The following NKAIN3 variants were observed in gnomAD, a reference collection of about 807,000 sequenced individuals.
NKAIN3 encodes the protein sodium/potassium-transporting ATPase subunit beta-1-interacting protein 3.
A neutral mutation model predicts 30.2 loss-of-function variants in NKAIN3; 25 were observed. That is an observed-to-expected ratio of 0.83 (90% CI 0.60 to 1.16). The LOEUF (loss-of-function observed/expected upper bound fraction) is 1.16, where lower values mean the gene tolerates loss of function less well. Ranked by LOEUF, NKAIN3 falls within the 50% of genes most tolerant of loss-of-function variation. NKAIN3 has a pLI of 0.00. For synonymous variants in NKAIN3, 91 were observed against 89.6 expected (o/e 1.02, Z -0.09); for missense variants, 225 against 254.1 (o/e 0.89, Z 0.78).
chr8:62,278,541 A>C (rs1036996518), intron 1 of NKAIN3, among the ~76,000 whole-genome samples: 5 of 151,646 alleles, frequency 3.3e-5, no homozygotes, highest in African/African-American at 7.3e-5. Flanking sequence ...CCCCGACCCC[A>C]TGACAGGCCC....
chr8:62,342,675 A>C (rs943595484), intron 1 of NKAIN3, among the ~76,000 whole-genome samples: 2 of 151,996 alleles, frequency 1.3e-5, no homozygotes, highest in East Asian at 3.9e-4. Flanking sequence ...TCTTTTATTG[A>C]AGTGCTGACT....
At chr8:62,675,989 TGAA>T (rs143165836) in intron 3 of NKAIN3, among the ~76,000 whole-genome samples, 1,811 of 152,324 alleles carry the variant, frequency 0.012, 28 homozygotes, top group African/African-American at 0.041. Flanking sequence ...AATTATTCTC[TGAA>T]GAAGATTATA....
At chr8:62,870,764 T>G (rs1820616950) in intron 4 of NKAIN3, among the ~76,000 whole-genome samples, 1 of 147,290 alleles carries the variant, frequency 6.8e-6, no homozygotes, top group African/African-American at 2.5e-5. Context: ...GATATATAGA[T>G]ATATATAGAG....
chr8:62,961,198 T>C (rs1340488376), intron 6 of NKAIN3, among the ~76,000 whole-genome samples: 2 of 152,200 alleles, frequency 1.3e-5, no homozygotes, highest in East Asian at 3.9e-4. Context: ...GGAGAACCAC[T>C]TGAACCCGGA....
At chr8:62,621,957 G>T (rs1811628686) in intron 3 of NKAIN3, among the ~76,000 whole-genome samples, 1 of 151,916 alleles carries the variant, frequency 6.6e-6, no homozygotes, top group Admixed American at 6.6e-5. Context: ...ATAATTTCTT[G>T]CCATTCCATT....
At chr8:62,907,415 G>T (rs375599913) in intron 4 of NKAIN3, among the ~76,000 whole-genome samples, 1 of 152,334 alleles carries the variant, frequency 6.6e-6, no homozygotes, top group East Asian at 1.9e-4. Context: ...TTTCTGAGGA[G>T]AAATTCAAGC....
chr8:62,423,923 G>C (rs568216820), intron 1 of NKAIN3, among the ~76,000 whole-genome samples: 3 of 152,102 alleles, frequency 2.0e-5, no homozygotes, highest in African/African-American at 7.2e-5. Context: ...TTACTTAGCT[G>C]AACACTGGCT....
chr8:62,590,597 A>G (rs970270275), intron 3 of NKAIN3, among the ~76,000 whole-genome samples: 2 of 151,962 alleles, frequency 1.3e-5, no homozygotes, highest in Non-Finnish European at 2.9e-5. Context: ...AAATATATTT[A>G]TACTAACTTA....
At chr8:62,853,874 A>G (rs1180332862) in intron 4 of NKAIN3, among the ~76,000 whole-genome samples, 1 of 152,114 alleles carries the variant, frequency 6.6e-6, no homozygotes, top group Non-Finnish European at 1.5e-5. Flanking sequence ...CTTTATCTAC[A>G]TCCCACACAT....
chr8:62,878,846 AT>A (rs1820883249), intron 4 of NKAIN3, among the ~76,000 whole-genome samples: 1 of 151,952 alleles, frequency 6.6e-6, no homozygotes, highest in South Asian at 2.1e-4. Context: ...TGAACTCATC[AT>A]TTTTTATGGC....
chr8:62,928,478 T>C (rs1822516097), intron 5 of NKAIN3, among the ~76,000 whole-genome samples: 1 of 152,190 alleles, frequency 6.6e-6, no homozygotes, highest in Non-Finnish European at 1.5e-5. Context: ...TAATACCACC[T>C]TCAGCGATAT....
At chr8:62,359,521 C>T (rs1432662236) in intron 1 of NKAIN3, among the ~76,000 whole-genome samples, 1 of 152,282 alleles carries the variant, frequency 6.6e-6, no homozygotes, top group African/African-American at 2.4e-5. Context: ...GGATCGCTGC[C>T]TCGCTTTGGT....
intron 1 of NKAIN3, among the ~76,000 whole-genome samples, chr8:62,515,509 A>C (rs1807959238): frequency 6.6e-6 from 1 of 152,106 alleles, no homozygotes; most frequent in African/African-American, 2.4e-5. Flanking sequence ...CAGGGGATAC[A>C]TGTGCAGTCT....
intron 1 of NKAIN3, among the ~76,000 whole-genome samples, chr8:62,509,283 A>T (rs1005020299): frequency 6.6e-6 from 1 of 151,968 alleles, no homozygotes; most frequent in African/African-American, 2.4e-5. Flanking sequence ...CTCACCCTAT[A>T]CTTTGCACCC....
chr8:62,780,551 A>G (rs1398163132), intron 4 of NKAIN3, among the ~76,000 whole-genome samples: 1 of 152,150 alleles, frequency 6.6e-6, no homozygotes, highest in African/African-American at 2.4e-5. Context: ...AATACTAGCA[A>G]ACCGAATCCA....
chr8:62,718,237 CAGCCAAACCATATCAT>C (rs1406214246), intron 3 of NKAIN3, among the ~76,000 whole-genome samples: 1 of 152,148 alleles, frequency 6.6e-6, no homozygotes, highest in Admixed American at 6.5e-5. Flanking sequence ...GGTGGGGGCA[CAGCCAAACCATATCAT>C]ATGGCATACT....
At chr8:62,653,661 T>A (rs886239080) in intron 3 of NKAIN3, among the ~76,000 whole-genome samples, 2 of 152,108 alleles carry the variant, frequency 1.3e-5, no homozygotes, top group Non-Finnish European at 2.9e-5. Context: ...TTTGTTTGGA[T>A]CTTGGGAGCA....
At chr8:62,322,013 C>G (rs1019904273) in intron 1 of NKAIN3, among the ~76,000 whole-genome samples, 3 of 152,168 alleles carry the variant, frequency 2.0e-5, no homozygotes, top group Non-Finnish European at 4.4e-5. Context: ...TTTACCTACT[C>G]AAGCCTCGGC....
At chr8:62,894,106 T>A (rs1003005800) in intron 4 of NKAIN3, among the ~76,000 whole-genome samples, 1 of 152,198 alleles carries the variant, frequency 6.6e-6, no homozygotes. Flanking sequence ...TTATCAATCA[T>A]AAATATGAAT....
Sources: allele counts gnomAD v4.1 joint callset (sites outside exome capture counted in the v4.1 genomes callset), GRCh38; gene constraint gnomAD v4.1.1; transcripts MANE v1.5; gene names NCBI Gene and HGNC (gene_info 2026-07-23, HGNC 2026-07-21).